HDAC9: variants seen among roughly 807,000 people sequenced by gnomAD.
The protein encoded by HDAC9 is histone deacetylase 9.
A neutral mutation model predicts 139.4 loss-of-function variants in HDAC9; 41 were observed. That is an observed-to-expected ratio of 0.29 (90% confidence interval 0.23 to 0.38). The LOEUF (loss-of-function observed/expected upper bound fraction) is 0.38. Among genes scored for constraint, HDAC9 ranks in the 10% least tolerant of loss-of-function variants. HDAC9 has a pLI of 1.00. For synonymous variants in HDAC9, 517 were observed against 476.2 expected (o/e 1.09, Z -1.12); for missense variants, 1,147 against 1,297.0 (o/e 0.88, Z 1.78).
chr7:18,922,878 G>A (rs772501960), intron 22 of HDAC9, among the ~76,000 whole-genome samples: 1 of 152,006 alleles, frequency 6.6e-6, no homozygotes, highest in African/African-American at 2.4e-5. Context: ...ACATTTTTAT[G>A]GTAATAAAAA....
chr7:18,288,696 T>C (rs536897563), upstream of HDAC9, among the ~76,000 whole-genome samples: 1 of 152,304 alleles, frequency 6.6e-6, no homozygotes, highest in Non-Finnish European at 1.5e-5. Context: ...TTTTTAAAAG[T>C]GAAGCTTTGT....
chr7:18,255,998 C>A (rs955630159), intron 2 of HDAC9, among the ~76,000 whole-genome samples: 1 of 152,120 alleles, frequency 6.6e-6, no homozygotes, highest in South Asian at 2.1e-4. Flanking sequence ...GTTTAAAAAG[C>A]CTTAATTGCT....
chr7:18,634,285 A>T (rs1015943999), intron 7 of HDAC9, among the ~76,000 whole-genome samples: 1 of 149,560 alleles, frequency 6.7e-6, no homozygotes, highest in Non-Finnish European at 1.5e-5. Context: ...CATTACTGTT[A>T]TTTTCTGTAA....
chr7:18,169,516 T>G (rs1788255890), intron 2 of HDAC9, among the ~76,000 whole-genome samples: 1 of 152,172 alleles, frequency 6.6e-6, no homozygotes, highest in South Asian at 2.1e-4. Flanking sequence ...ACGTACATGT[T>G]TGTTAACATA....
chr7:18,641,138 C>G (rs1474204400), intron 8 of HDAC9, among the ~76,000 whole-genome samples: 1 of 152,068 alleles, frequency 6.6e-6, no homozygotes, highest in African/African-American at 2.4e-5. Flanking sequence ...AAATCAGTGG[C>G]TTAATTTAAA....
intron 21 of HDAC9, among the ~76,000 whole-genome samples, chr7:18,840,805 T>C (rs1796536502): frequency 6.6e-6 from 1 of 152,108 alleles, no homozygotes; most frequent in Non-Finnish European, 1.5e-5. Flanking sequence ...TGGAAATCTG[T>C]CCAGATATCC....
intron 24 of HDAC9, among the ~76,000 whole-genome samples, chr7:18,956,462 C>A (rs1411898323): frequency 1.3e-5 from 2 of 151,982 alleles, no homozygotes; most frequent in Non-Finnish European, 2.9e-5. Flanking sequence ...GGGTTGACAG[C>A]AGGTGTGAGG....
At chr7:18,506,814 A>G (rs1424280294) in intron 2 of HDAC9, among the ~76,000 whole-genome samples, 3 of 152,164 alleles carry the variant, frequency 2.0e-5, no homozygotes, top group Non-Finnish European at 4.4e-5. Flanking sequence ...ATTTAAATAG[A>G]TGAGATAAAA....
intron 22 of HDAC9, among the ~76,000 whole-genome samples, chr7:18,884,483 G>GAT (rs1459381954): frequency 2.6e-5 from 4 of 152,130 alleles, no homozygotes; most frequent in Non-Finnish European, 4.4e-5. Flanking sequence ...GGGAAAACTA[G>GAT]ATATCCAAAT....
chr7:18,974,268 C>A (rs574354159), intron 24 of HDAC9, among the ~76,000 whole-genome samples: 8 of 152,350 alleles, frequency 5.3e-5, no homozygotes, highest in Admixed American at 1.3e-4. Context: ...CATTTGCACT[C>A]TAATTTCTAA....
rs1781952857 is a variant in HDAC9, at chr7:18,940,478, A to G, written c.2937+4536A>G. Among the ~76,000 whole-genome samples, 3 of 152,286 alleles carry G rather than the reference A, an allele frequency of 2.0e-5. No homozygotes were observed. The South Asian group carries it at 6.2e-4, about 32-fold the overall frequency. The stretch of plus-strand genomic sequence containing the variant: ...TTTAGAACTTAGATTTATCAGTCCA[A>G]TCAGTGCATGATGAATATTTTTGAT... On this transcript the variant is annotated intron_variant, in intron 23 of 25. Coordinates refer to ENST00000686413, the MANE Select transcript of HDAC9 (RefSeq NM_178425.4).
chr7:18,630,001 G>T (rs1402541387), intron 7 of HDAC9, among the ~76,000 whole-genome samples: 1 of 151,998 alleles, frequency 6.6e-6, no homozygotes, highest in Non-Finnish European at 1.5e-5. Flanking sequence ...GGGATATATT[G>T]CTTTTTATGA....
intron 1 of HDAC9, among the ~76,000 whole-genome samples, chr7:18,409,466 A>G (rs1333712784): frequency 6.6e-6 from 1 of 152,130 alleles, no homozygotes; most frequent in Non-Finnish European, 1.5e-5. Flanking sequence ...GCATAGAAGA[A>G]AATAATTAGC....
intron 2 of HDAC9, among the ~76,000 whole-genome samples, chr7:18,571,529 C>G (rs1255102732): frequency 6.6e-6 from 1 of 152,162 alleles, no homozygotes; most frequent in Non-Finnish European, 1.5e-5. Flanking sequence ...AAGAAAATAT[C>G]CAGCCGTTTA....
chr7:18,636,620 T>C (rs1210939819), intron 8 of HDAC9, among the ~76,000 whole-genome samples: 1 of 152,088 alleles, frequency 6.6e-6, no homozygotes, highest in Admixed American at 6.6e-5. Context: ...TTCTGGCCTC[T>C]ACATGGTCTT....
chr7:18,593,536 C>A (rs1831587327), intron 5 of HDAC9, among the ~76,000 whole-genome samples: 1 of 152,034 alleles, frequency 6.6e-6, no homozygotes, highest in Admixed American at 6.6e-5. Context: ...TTTACTATTA[C>A]CTTGATTGTT....
chr7:18,920,776 G>A (rs1039466473), intron 22 of HDAC9, among the ~76,000 whole-genome samples: 3 of 152,072 alleles, frequency 2.0e-5, no homozygotes, highest in South Asian at 2.1e-4. Flanking sequence ...CTTTGGTTCT[G>A]TTTATATGCT....
chr7:18,397,937 C>T (rs1787200534), intron 1 of HDAC9, among the ~76,000 whole-genome samples: 1 of 152,128 alleles, frequency 6.6e-6, no homozygotes, highest in Non-Finnish European at 1.5e-5. Flanking sequence ...TGTATTTCAT[C>T]CTAAGAAGCG....
At chr7:18,129,359 C>A (rs889281244) in intron 1 of HDAC9, among the ~76,000 whole-genome samples, 11 of 152,052 alleles carry the variant, frequency 7.2e-5, no homozygotes, top group South Asian at 2.1e-4. Flanking sequence ...TTCTCTCATG[C>A]TAGACTCTAA....
Sources: gnomAD v4.1 joint callset for allele counts (sites outside exome capture counted in the v4.1 genomes callset) on GRCh38, gnomAD v4.1.1 for gene constraint, MANE v1.5 for transcripts, NCBI Gene and HGNC (gene_info 2026-07-23, HGNC 2026-07-21) for gene names.